Variants in CTSA observed in about 807,000 individuals in gnomAD.
CTSA encodes cathepsin A, also known as lysosomal protective protein.
CTSA carries 42 observed loss-of-function variants against 66.7 expected under a neutral mutation model. That is an observed-to-expected ratio of 0.63 (90% confidence interval 0.49 to 0.81). The LOEUF is 0.81. Among genes scored for constraint, CTSA ranks in the 40% least tolerant of loss-of-function variants. The pLI is 0.00. For missense variants in CTSA, 525 were observed against 610.9 expected (o/e 0.86, Z 1.48); for synonymous variants, 225 against 248.6 (o/e 0.91, Z 0.89).
chr20:45,896,022 C>G (rs2083101411), intron 11 of CTSA, among the ~76,000 whole-genome samples: 2 of 152,112 alleles, frequency 1.3e-5, no homozygotes, highest in Non-Finnish European at 2.9e-5. Flanking sequence ...TGAAGAAACC[C>G]CATCTCTACT....
At position 45,892,847 on chromosome 20, in the gene CTSA, G is replaced by A; in HGVS notation, c.567G>A (p.Val189=). The change falls in exon 6 of 15, where the codon GTG becomes GTA. Residue 189 remains valine (V), a synonymous_variant. Transcript: ENST00000646241. ...GCATCTACATCCCCACCCTGGCCGT[G>A]CTGGTCATGCAGGATCCCAGCATGA... is the stretch of plus-strand genomic sequence containing the variant. ...YAGIYIPTLA[V]LVMQDPSMNL... The A allele has an allele frequency of 1.2e-6, 2 of 1,614,170 alleles. No homozygotes were observed. Among genetic ancestry groups the A allele is most frequent in the Non-Finnish European group, 1.7e-6 (2 of 1,180,028 alleles).
In CTSA at chr20:45,891,975, G is replaced by A; in HGVS notation, c.254G>A (p.Gly85Asp). The change falls in exon 3 of 15, where the codon GGT becomes GAT. Residue 85 changes from glycine (G) to aspartate (D), a missense_variant. Around this residue, in one of 3 missense-constraint regions of CTSA, gnomAD observed 246 missense variants for 267.4 expected, o/e 0.92. Coordinates refer to ENST00000646241, the MANE Select transcript of CTSA (RefSeq NM_000308.4). This position sits in a 1 kb window ranked among gnomAD's most constrained non-coding sequence, Gnocchi z 4.6. Reference protein sequence around the residue: ...NSPVVLWLNGGPGCSSLDGLL... With the variant: ...NSPVVLWLNGDPGCSSLDGLL... ...CCTGTGGTGCTTTGGCTCAATGGGG[G>A]TCCCGGCTGCAGCTCACTAGATGGG... 2 of 1,614,162 alleles carry A rather than the reference G, an allele frequency of 1.2e-6. No individual in the cohort carries two copies. Among genetic ancestry groups the A allele is most frequent in the Non-Finnish European group, 1.7e-6 (2 of 1,180,020 alleles).
chr20:45,896,688 C>G, intron 11 of CTSA: 1 of 440,840 alleles, frequency 2.3e-6, no homozygotes, highest in Non-Finnish European at 4.2e-6. Context: ...CCACTCACCT[C>G]GGTCTCCCAA....
chr20:45,896,884 G>A lies in CTSA; in HGVS notation c.1089-81G>A. On this transcript the variant is annotated intron_variant, in intron 11 of 14. Coordinates refer to ENST00000646241, the MANE Select transcript of CTSA (RefSeq NM_000308.4). ...TCTGCCTTCTGGGTTGGAGCTTGGAGATAGGAGAGAAGGTCTGATCTGTTG... is the reference window on the plus strand; with the variant it reads ...TCTGCCTTCTGGGTTGGAGCTTGGAAATAGGAGAGAAGGTCTGATCTGTTG... The A allele has an allele frequency of 8.7e-6, 10 of 1,144,772 alleles. No individual in the cohort carries two copies. The East Asian group carries it at 1.4e-4, about 16-fold the overall frequency. 70.9% of individuals were successfully genotyped at this position (1,144,772 alleles called of 1,614,324 possible).
intron 6 of CTSA, 115 bp from the exon 7 acceptor site, chr20:45,893,105 T>C: frequency 1.9e-6 from 2 of 1,027,544 alleles, no homozygotes; most frequent in Non-Finnish European, 3.0e-6. Context: ...CCCACCGGCC[T>C]ACATAAACCA....
intron 7 of CTSA, 175 bp downstream of exon 7, chr20:45,893,486 CTTT>C (rs5841610): frequency 1.9e-4 from 98 of 518,456 alleles, no homozygotes; most frequent in East Asian, 3.1e-4. Context: ...TTCTTTCTTT[CTTT>C]TTTTTTTTTT....
At position 45,898,425 on chromosome 20, in the gene CTSA, G is replaced by A. The variant is rs759822843; in HGVS notation, c.1418G>A (p.Arg473His). 18 of 1,613,818 alleles carry A rather than the reference G, an allele frequency of 1.1e-5. No homozygotes were observed. Among genetic ancestry groups the A allele is most frequent in the South Asian group, 4.4e-5 (4 of 91,050 alleles). ...CTCGCTGCCTTCACCATGTTCTCCC[G>A]CTTCCTGAACAAGCAGCCATACTGA... is the stretch of plus-strand genomic sequence containing the variant. ...KPLAAFTMFS[R>H]FLNKQPY Residue 473 changes from arginine to histidine, a missense_variant, in exon 15 of 15, where the codon CGC (arginine) becomes CAC (histidine). By Grantham distance (29) the Arg-to-His change is conservative. This residue lies in a region of CTSA where 274 missense variants were observed against 321.1 expected (regional missense o/e 0.85). Coordinates refer to ENST00000646241, the MANE Select transcript of CTSA (RefSeq NM_000308.4). The surrounding 1 kb of genome is among the most constrained non-coding windows in gnomAD (Gnocchi z 4.6).
At position 45,898,542 on chromosome 20, in the gene CTSA, C is replaced by A; in HGVS notation, c.*92C>A. 8.1e-7 allele frequency: 1 copy of A among 1,237,670 alleles called. No homozygotes were observed. The highest frequency in any genetic ancestry group is 1.2e-6 in the Non-Finnish European group (1 of 865,970). The allele number at this position is 1,237,670 out of a possible 1,614,324, so 76.7% of individuals were successfully genotyped here. On this transcript the variant is annotated 3_prime_UTR_variant, in exon 15 of 15. Coordinates refer to ENST00000646241, the MANE Select transcript of CTSA (RefSeq NM_000308.4). This position sits in a 1 kb window ranked among gnomAD's most constrained non-coding sequence, Gnocchi z 4.6. The stretch of plus-strand genomic sequence containing the variant: ...CTTCTAAGCAAAGTGCCCCTGCAGG[C>A]CGGGTTCTGCCGCCAGGACTGCCCC...
chr20:45,895,411 C>A (rs1987199439), intron 11 of CTSA, among the ~76,000 whole-genome samples: 1 of 152,138 alleles, frequency 6.6e-6, no homozygotes, highest in South Asian at 2.1e-4. Context: ...GCCTCAAACT[C>A]ATGGGCTCAA....
chr20:45,898,305 T>C lies in CTSA; in HGVS notation c.1360-62T>C. 2 of 1,446,694 alleles carry C rather than the reference T, an allele frequency of 1.4e-6. No homozygotes were observed. Among genetic ancestry groups the C allele is most frequent in the East Asian group, 2.4e-5 (1 of 42,522 alleles). The allele number at this position is 1,446,694 out of a possible 1,614,324, so 89.6% of individuals were successfully genotyped here. Reference sequence around the variant, plus strand: ...TTGGGATGAAGGAATTGCCCCCGAGTGAGCAGTTATATGGGGAGGAGGGAA... The same window carrying C: ...TTGGGATGAAGGAATTGCCCCCGAGCGAGCAGTTATATGGGGAGGAGGGAA... On this transcript the variant is annotated intron_variant, in intron 14 of 14. Transcript: ENST00000646241. The surrounding 1 kb of genome is among the most constrained non-coding windows in gnomAD (Gnocchi z 4.6).
At chr20:45,897,327 G>A (rs2083121544) in intron 12 of CTSA, 2 of 528,830 alleles carry the variant, frequency 3.8e-6, no homozygotes, top group South Asian at 2.0e-5. Flanking sequence ...AGGGTGGGAG[G>A]AGACCTTGCA....
chr20:45,898,476 C>A lies in CTSA; in HGVS notation c.*26C>A. The A allele has an allele frequency of 6.2e-7, 1 of 1,604,234 alleles. No individual in the cohort carries two copies. The highest frequency in any genetic ancestry group is 8.5e-7 in the Non-Finnish European group (1 of 1,171,798). On this transcript the variant is annotated 3_prime_UTR_variant, in exon 15 of 15. Transcript: ENST00000646241. This position sits in a 1 kb window ranked among gnomAD's most constrained non-coding sequence, Gnocchi z 4.6. ...TGACCACAGCAACCAGCTCCACGGCCTGATGCAGCCCCTCCCAGCCTCTCC... is the reference window on the plus strand; with the variant it reads ...TGACCACAGCAACCAGCTCCACGGCATGATGCAGCCCCTCCCAGCCTCTCC...
intron 11 of CTSA, among the ~76,000 whole-genome samples, chr20:45,895,927 G>T (rs1193738546): frequency 2.0e-5 from 3 of 152,178 alleles, no homozygotes; most frequent in Admixed American, 2.0e-4. Context: ...GGGCGCAGTG[G>T]TTCACGCCTG....
chr20:45,895,034 C>G lies in CTSA; in HGVS notation c.989C>G (p.Pro330Arg), dbSNP rs768946533. 6.2e-7 allele frequency: 1 copy of G among 1,614,174 alleles called. No individual in the cohort carries two copies. The highest frequency in any genetic ancestry group is 8.5e-7 in the Non-Finnish European group (1 of 1,180,024). The change falls in exon 11 of 15, where the codon CCC becomes CGC. Residue 330 changes from proline (P) to arginine (R), a missense_variant. Physicochemically the swap from Pro to Arg is moderately radical, Grantham distance 103. Transcript: ENST00000646241. The part of the protein sequence containing the change: ...RSGDKVRMDP[P>R]CTNTTAASTY... The stretch of plus-strand genomic sequence containing the variant: ...GGGGATAAAGTGCGCATGGACCCCC[C>G]CTGCACCAACACAACAGCTGCTTCC...
At chr20:45,896,591 C>G (rs540591226) in intron 11 of CTSA, 5 of 303,416 alleles carry the variant, frequency 1.6e-5, no homozygotes, top group South Asian at 1.3e-4. Context: ...CACCACCACG[C>G]CTGGCTAATT....
In CTSA at chr20:45,898,052, G is replaced by A; in HGVS notation, c.1302G>A (p.Gly434=). Residue 434 remains glycine, a synonymous_variant, in exon 14 of 15, where the codon GGG becomes GGA. Coordinates refer to ENST00000646241, the MANE Select transcript of CTSA (RefSeq NM_000308.4). The surrounding 1 kb of genome is among the most constrained non-coding windows in gnomAD (Gnocchi z 4.6). The stretch of plus-strand genomic sequence containing the variant: ...GGTTAGTGAAGTACGGGGACAGCGG[G>A]GAGCAGATTGCCGGCTTCGTGAAGG... ...RPWLVKYGDS[G]EQIAGFVKEF... The A allele has an allele frequency of 6.2e-7, 1 of 1,614,098 alleles. No individual in the cohort carries two copies. Among genetic ancestry groups the A allele is most frequent in the Non-Finnish European group, 8.5e-7 (1 of 1,180,006 alleles).
At position 45,891,612 on chromosome 20, in the gene CTSA, T is replaced by A. The variant is rs142125327; in HGVS notation, c.44T>A (p.Leu15Gln). ...APPPLFLLLL[L>Q]LLLLVSWASR... is the part of the protein sequence containing the mutation. ...CCGCCGCTGTTCCTGCTGCTGCTGCTGCTGCTGCTGCTAGTGTCCTGGGCG... is the reference window on the plus strand; with the variant it reads ...CCGCCGCTGTTCCTGCTGCTGCTGCAGCTGCTGCTGCTAGTGTCCTGGGCG... Residue 15 changes from leucine to glutamine, a missense_variant, in exon 2 of 15, where the codon CTG becomes CAG. Physicochemically the swap from Leu to Gln is moderately radical, Grantham distance 113. Coordinates refer to ENST00000646241, the MANE Select transcript of CTSA (RefSeq NM_000308.4). The surrounding 1 kb of genome is among the most constrained non-coding windows in gnomAD (Gnocchi z 4.6). 3.7e-6 allele frequency: 6 copies of A among 1,609,792 alleles called. No homozygotes were observed. The East Asian group carries it at 8.9e-5, about 24-fold the overall frequency.
intron 11 of CTSA, 196 bp downstream of exon 11, chr20:45,895,329 T>G: frequency 1.5e-6 from 1 of 687,968 alleles, no homozygotes; most frequent in East Asian, 2.8e-5. Flanking sequence ...AATTTAAAAT[T>G]TTTTTGTTTG....
chr20:45,891,383 A>C lies in CTSA; in HGVS notation c.-1+4A>C. ...GCAAGGACGCGGGGGAGCAGAGGTG[A>C]GCTGGCACCGGAGGCTGGAGGGGAT... On this transcript the variant is annotated splice_donor_region_variant and intron_variant, in intron 1 of 14. Transcript: ENST00000646241. This position sits in a 1 kb window ranked among gnomAD's most constrained non-coding sequence, Gnocchi z 4.6. 6.4e-7 allele frequency: 1 copy of C among 1,570,726 alleles called. No homozygotes were observed. The highest frequency in any genetic ancestry group is 8.6e-7 in the Non-Finnish European group (1 of 1,158,634).
Sources: allele counts gnomAD v4.1 joint callset (sites outside exome capture counted in the v4.1 genomes callset), GRCh38; gene constraint gnomAD v4.1.1; regional missense constraint gnomAD v4.1.1; non-coding constraint Gnocchi (gnomAD v3.1); transcripts MANE v1.5; gene names NCBI Gene and HGNC (gene_info 2026-07-23, HGNC 2026-07-21).